JUP: variants seen among roughly 807,000 people sequenced by gnomAD.
The protein encoded by JUP is catenin (cadherin-associated protein), gamma 80kDa.
Under a neutral mutation model 71.1 loss-of-function variants are expected in JUP, and 28 were observed. The ratio of observed to expected loss-of-function variants is 0.39; its 90% confidence interval spans 0.29 to 0.54. The LOEUF (loss-of-function observed/expected upper bound fraction) is 0.54, where lower values mean the gene tolerates loss of function less well. JUP is among the 20% of genes least tolerant of loss of function. The pLI, the probability that JUP is intolerant of heterozygous loss-of-function variation, is 0.62. For synonymous variants in JUP, 401 were observed against 438.9 expected, an observed-to-expected ratio of 0.91 and a Z score of 1.08; for missense variants, 869 against 1,030.1, an observed-to-expected ratio of 0.84 and a Z score of 2.14.
chr17:41,781,869 G>C (rs1383207282), intron 1 of JUP, among the ~76,000 whole-genome samples: 2 of 152,182 alleles, frequency 1.3e-5, no homozygotes, highest in African/African-American at 4.8e-5. Flanking sequence ...CGTCCCTTCA[G>C]TAAGTGCATC....
rs1555605058 is a variant in JUP at position 41,768,947 on chromosome 17, T to G, written c.707+22A>C. The G allele has an allele frequency of 1.9e-6, 3 of 1,561,258 alleles. No individual in the cohort carries two copies. In the Admixed American group the frequency reaches 5.3e-5, roughly 27 times the overall value. Reference sequence around the variant, plus strand: ...CAAGTGAGAGGGGGTCCTGGGCTCATGCAGTGAGCAGGGTTGGGTACCTGA... The same window carrying G: ...CAAGTGAGAGGGGGTCCTGGGCTCAGGCAGTGAGCAGGGTTGGGTACCTGA... On this transcript the variant is annotated intron_variant, in intron 4 of 13. Coordinates refer to ENST00000393931, the MANE Select transcript of JUP (RefSeq NM_002230.4).
In JUP at chr17:41,768,881, C is replaced by A. The variant is rs947525536; in HGVS notation, c.707+88G>T. On this transcript the variant is annotated intron_variant, in intron 4 of 13. Transcript: ENST00000393931. ...CTGCCTGGCACATAGTAGGTGCTCA[C>A]TGGATATTTATGGAAGCTCAGGGAA... The A allele has an allele frequency of 3.7e-6, 4 of 1,082,474 alleles. No homozygotes were observed. In the Admixed American group the frequency reaches 5.9e-5, roughly 16 times the overall value. The allele number at this position is 1,082,474 out of a possible 1,614,324, so 67.1% of individuals were successfully genotyped here. A position where few individuals can be genotyped will look rare whatever the true frequency, so the allele number is the denominator to read the frequency against.
chr17:41,770,461 G>C (rs1916479972), intron 2 of JUP, among the ~76,000 whole-genome samples: 1 of 152,192 alleles, frequency 6.6e-6, no homozygotes, highest in Admixed American at 6.5e-5. Context: ...GGAGACAGCT[G>C]CATGGCTTTC....
intron 10 of JUP, 140 bp downstream of exon 10, chr17:41,758,259 A>T (rs1339591624): frequency 9.5e-7 from 1 of 1,048,682 alleles, no homozygotes; most frequent in Non-Finnish European, 1.4e-6. Flanking sequence ...CTAAGTAGTC[A>T]ATCTGGAGTG....
At position 41,758,706 on chromosome 17, in the gene JUP, C is replaced by T. The variant is rs1555599669; in HGVS notation, c.1653+9G>A. 6.3e-7 allele frequency: 1 copy of T among 1,598,638 alleles called. No individual in the cohort carries two copies. Among genetic ancestry groups the T allele is most frequent in the South Asian group, 1.1e-5 (1 of 88,900 alleles). On this transcript the variant is annotated intron_variant, in intron 9 of 13. Transcript: ENST00000393931. ...GGAAGGCTGTCAGAGGCACCACCAG[C>T]TCACATACCGTGTAGGGCTGCTGTG...
intron 1 of JUP, among the ~76,000 whole-genome samples, chr17:41,776,369 T>C (rs1490644360): frequency 6.6e-6 from 1 of 152,246 alleles, no homozygotes; most frequent in African/African-American, 2.4e-5. Context: ...GGAAGCCCTC[T>C]GTCCACAGGA....
At chr17:41,761,221 G>A (rs2143513755) in intron 8 of JUP, among the ~76,000 whole-genome samples, 1 of 152,250 alleles carries the variant, frequency 6.6e-6, no homozygotes, top group East Asian at 1.9e-4. Context: ...AATCCTCTGT[G>A]CCCTGTGTCT....
At chr17:41,769,289 G>T (rs1490688706) in intron 3 of JUP, 82 bp from the exon 4 acceptor site, 2 of 1,552,628 alleles carry the variant, frequency 1.3e-6, no homozygotes, top group African/African-American at 1.4e-5. Flanking sequence ...GAGGGCCCCA[G>T]TCAGACTCAT....
At chr17:41,766,316 A>G (rs1396331543) in intron 5 of JUP, among the ~76,000 whole-genome samples, 2 of 151,632 alleles carry the variant, frequency 1.3e-5, no homozygotes, top group Non-Finnish European at 2.9e-5. Context: ...GGAAAGGAAA[A>G]GGAAAAGGAA....
chr17:41,782,254 A>G (rs1567834446), intron 1 of JUP, among the ~76,000 whole-genome samples: 1 of 152,112 alleles, frequency 6.6e-6, no homozygotes. Flanking sequence ...GGCAGCACAC[A>G]TGACCCCCAC....
rs544224850 is a variant in JUP at position 41,763,184 on chromosome 17, G to A, written c.1296C>T (p.Asn432=). 2.7e-5 allele frequency: 43 copies of A among 1,614,258 alleles called. No individual in the cohort carries two copies. The African/African-American group carries it at 4.3e-4, about 16-fold the overall frequency. ...NSKNKTLVTQ[N]SGVEALIHAI... is the part of the protein sequence containing the mutation. ...CATGGATGAGAGCCTCCACACCGCT[G>A]TTCTGTGTCACCAGCGTCTTGTTCT... Residue 432 remains asparagine, a synonymous_variant, in exon 8 of 14, where the codon AAC becomes AAT. Coordinates refer to ENST00000393931, the MANE Select transcript of JUP (RefSeq NM_002230.4).
chr17:41,765,043 G>A lies in JUP; in HGVS notation c.934C>T (p.Pro312Ser). 6.2e-7 allele frequency: 1 copy of A among 1,614,118 alleles called. No homozygotes were observed. The highest frequency in any genetic ancestry group is 8.5e-7 in the Non-Finnish European group (1 of 1,180,002). Residue 312 changes from proline to serine, a missense_variant, in exon 6 of 14, where the codon CCC becomes TCC. Physicochemically the swap from Pro to Ser is moderately conservative, Grantham distance 74. Transcript: ENST00000393931. ...SKLIILANGG[P>S]QALVQIMRNY... Reference sequence around the variant, plus strand: ...CGCATGATCTGCACGAGGGCCTGGGGCCCACCATTGGCCAGGATGATCAGC... The same window carrying A: ...CGCATGATCTGCACGAGGGCCTGGGACCCACCATTGGCCAGGATGATCAGC...
chr17:41,760,565 T>C (rs1315562488), intron 8 of JUP, among the ~76,000 whole-genome samples: 1 of 146,090 alleles, frequency 6.8e-6, no homozygotes, highest in Non-Finnish European at 1.5e-5. Context: ...GCCATGTTTT[T>C]TGTTTTTGTT....
At chr17:41,776,988 C>G (rs2046917010) in intron 1 of JUP, among the ~76,000 whole-genome samples, 1 of 152,066 alleles carries the variant, frequency 6.6e-6, no homozygotes, top group Non-Finnish European at 1.5e-5. Flanking sequence ...GCCAGGGATA[C>G]AGTGCGAGAC....
Position 41,757,975 on chromosome 17 carries a change from T to A in JUP, c.1774-191A>T, listed in dbSNP as rs187086869. ...GTTCATGAGCTACCTTGAAATTACC[T>A]GTGACTCTGCCTCATCTAACCATTG... On this transcript the variant is annotated intron_variant, in intron 10 of 13. Coordinates refer to ENST00000393931, the MANE Select transcript of JUP (RefSeq NM_002230.4). 8.3e-4 allele frequency among the ~76,000 whole-genome samples: 127 copies of A among 152,334 alleles called. 1 individual carries two copies. The highest frequency in any genetic ancestry group is 2.8e-3 in the African/African-American group (115 of 41,574).
chr17:41,774,196 G>A (rs1394801656), intron 1 of JUP, among the ~76,000 whole-genome samples: 1 of 143,600 alleles, frequency 7.0e-6, no homozygotes, highest in Non-Finnish European at 1.5e-5. Context: ...GGGCTAGACA[G>A]CTACCCAGGG....
chr17:41,769,409 C>G lies in JUP; in HGVS notation c.468+9G>C, dbSNP rs1032159547. 7.5e-6 allele frequency: 12 copies of G among 1,608,864 alleles called. No individual in the cohort carries two copies. On this transcript the variant is annotated intron_variant, in intron 3 of 13. Coordinates refer to ENST00000393931, the MANE Select transcript of JUP (RefSeq NM_002230.4). Reference sequence around the variant, plus strand: ...CCCAGCCCCCACCCTAGCAGGGACCCTCACAGACCGGGTCCTCGTCGTTGA... The same window carrying G: ...CCCAGCCCCCACCCTAGCAGGGACCGTCACAGACCGGGTCCTCGTCGTTGA...
At chr17:41,778,301 A>G (rs1190537967) in intron 1 of JUP, among the ~76,000 whole-genome samples, 2 of 152,108 alleles carry the variant, frequency 1.3e-5, no homozygotes, top group Non-Finnish European at 2.9e-5. Flanking sequence ...GCAGTGGCTC[A>G]CCCCTGTAAT....
chr17:41,763,324 G>A lies in JUP; in HGVS notation c.1159-3C>T. On this transcript the variant is annotated splice_region_variant and splice_polypyrimidine_tract_variant and intron_variant, in intron 7 of 13. Transcript: ENST00000393931. Reference sequence around the variant, plus strand: ...TTCAGCACACTCTCCAGGCCCTCCTGGAGGGCAAGGAAGGGACGGGGGAGT... The same window carrying A: ...TTCAGCACACTCTCCAGGCCCTCCTAGAGGGCAAGGAAGGGACGGGGGAGT... The A allele has an allele frequency of 6.2e-7, 1 of 1,612,734 alleles. No homozygotes were observed.
Sources: gnomAD v4.1 joint callset for allele counts (sites outside exome capture counted in the v4.1 genomes callset) on GRCh38, gnomAD v4.1.1 for gene constraint, MANE v1.5 for transcripts, NCBI Gene and HGNC (gene_info 2026-07-23, HGNC 2026-07-21) for gene names.